GTF3C1: variants seen among roughly 807,000 people sequenced by gnomAD.
GTF3C1 encodes general transcription factor 3C polypeptide 1.
A neutral mutation model predicts 226.7 loss-of-function variants in GTF3C1; 57 were observed. The ratio of observed to expected loss-of-function variants is 0.25; its 90% CI spans 0.20 to 0.31. GTF3C1 has a LOEUF of 0.31. Among genes scored for constraint, GTF3C1 ranks in the 10% least tolerant of loss-of-function variants. The pLI is 1.00. For synonymous variants in GTF3C1, 1,090 were observed against 1,084.8 expected (o/e 1.00, Z -0.09); for missense variants, 2,217 against 2,776.1 (o/e 0.80, Z 4.53).
At chr16:27,514,660 C>T (rs2088629144) in intron 6 of GTF3C1, among the ~76,000 whole-genome samples, 1 of 152,124 alleles carries the variant, frequency 6.6e-6, no homozygotes, top group Non-Finnish European at 1.5e-5. Flanking sequence ...TGGATGCTGT[C>T]CTAGGCTCCC....
Position 27,462,343 on chromosome 16 carries a change from C to T in GTF3C1, c.6068G>A (p.Arg2023His), listed in dbSNP as rs1040575243. ...RPGIPESSLL[R>H]HYQGVLQPVA... ...GGGCTGCAGGACCCCCTGGTAGTGGCGCAGCAGGGAGCTCTCGGGGATGCC... is the reference window on the plus strand; with the variant it reads ...GGGCTGCAGGACCCCCTGGTAGTGGTGCAGCAGGGAGCTCTCGGGGATGCC... Residue 2023 changes from arginine to histidine, a missense_variant, in exon 36 of 37, where the codon CGC (arginine) becomes CAC (histidine). By Grantham distance (29) the Arg-to-His change is conservative. Coordinates refer to ENST00000356183, the MANE Select transcript of GTF3C1 (RefSeq NM_001520.4). This position sits in a 1 kb window ranked among gnomAD's most constrained non-coding sequence, Gnocchi z 4.5. 5.1e-6 allele frequency: 8 copies of T among 1,572,424 alleles called. No homozygotes were observed. The highest frequency in any genetic ancestry group is 1.7e-4 in the Middle Eastern group (1 of 6,016).
rs1476076755 is a variant in GTF3C1, at chr16:27,507,992, G to A, written c.1242+548C>T. On this transcript the variant is annotated intron_variant, in intron 8 of 36. Coordinates refer to ENST00000356183, the MANE Select transcript of GTF3C1 (RefSeq NM_001520.4). This position sits in a 1 kb window ranked among gnomAD's most constrained non-coding sequence, Gnocchi z 4.9. Reference sequence around the variant, plus strand: ...CCCCATGTGGGAGTAGGCTCCCGGGGTGGCCACATCACCTTCTGACTACTT... The same window carrying A: ...CCCCATGTGGGAGTAGGCTCCCGGGATGGCCACATCACCTTCTGACTACTT... Among the ~76,000 whole-genome samples the A allele has an allele frequency of 1.3e-5, 2 of 152,234 alleles. No homozygotes were observed. Among genetic ancestry groups the A allele is most frequent in the Non-Finnish European group, 2.9e-5 (2 of 68,038 alleles).
In GTF3C1 at chr16:27,488,369, C is replaced by T. The variant is rs776849552; in HGVS notation, c.3558G>A (p.Glu1186=). Residue 1186 remains glutamate, a synonymous_variant, in exon 23 of 37, where the codon GAG becomes GAA. Coordinates refer to ENST00000356183, the MANE Select transcript of GTF3C1 (RefSeq NM_001520.4). ...ACTGCTCTTCCCAGCCAGCACAGAG[C>T]TCGGAGCCTACTCTTGCTTCCCCCC... The part of the protein sequence containing the change: ...NIWGEARVGS[E]LCAGWEEQFE... 1 of 1,613,756 alleles carries T rather than the reference C, an allele frequency of 6.2e-7. No individual in the cohort carries two copies. The highest frequency in any genetic ancestry group is 8.5e-7 in the Non-Finnish European group (1 of 1,179,730).
In GTF3C1 at chr16:27,492,223, A is replaced by G. The variant is rs890869898; in HGVS notation, c.3151+115T>C. ...GGGGTGCTCTGGGCCTCTGGGGAGCACTCGGAACATACCACTGGTTGAGGC... is the reference window on the plus strand; with the variant it reads ...GGGGTGCTCTGGGCCTCTGGGGAGCGCTCGGAACATACCACTGGTTGAGGC... On this transcript the variant is annotated intron_variant, in intron 19 of 36. Transcript: ENST00000356183. The surrounding 1 kb of genome is among the most constrained non-coding windows in gnomAD (Gnocchi z 5.0). The G allele has an allele frequency of 2.9e-6, 2 of 680,388 alleles. No homozygotes were observed. The allele number at this position is 680,388 out of a possible 1,614,324, so 42.1% of individuals were successfully genotyped here. A position where few individuals can be genotyped will look rare whatever the true frequency, so the allele number is the denominator to read the frequency against.
chr16:27,474,198 T>C (rs1340445860), intron 29 of GTF3C1, among the ~76,000 whole-genome samples: 2 of 152,210 alleles, frequency 1.3e-5, no homozygotes, highest in African/African-American at 4.8e-5. Context: ...AGAAGTGTCC[T>C]GTTTCCTGCT....
intron 32 of GTF3C1, among the ~76,000 whole-genome samples, chr16:27,468,958 C>T (rs1044337957): frequency 6.6e-6 from 1 of 152,192 alleles, no homozygotes; most frequent in Non-Finnish European, 1.5e-5. Flanking sequence ...CGGGCAGTGA[C>T]AGGGCCGCCC....
intron 1 of GTF3C1, among the ~76,000 whole-genome samples, chr16:27,547,616 C>T (rs1404705924): frequency 1.3e-5 from 2 of 152,222 alleles, no homozygotes; most frequent in East Asian, 1.9e-4. Flanking sequence ...CACTCTTTGC[C>T]CCTAGTCTGA....
At chr16:27,482,978 G>A (rs1450356204) in intron 26 of GTF3C1, 66 bp downstream of exon 26, 3 of 1,347,062 alleles carry the variant, frequency 2.2e-6, no homozygotes, top group Admixed American at 3.5e-5. Context: ...GATGAGAGGA[G>A]CTGACTGAAG....
rs549251889 is a variant in GTF3C1, at chr16:27,462,506, C to T, written c.5925-20G>A. The T allele has an allele frequency of 4.6e-5, 73 of 1,603,878 alleles. No homozygotes were observed. The highest frequency in any genetic ancestry group is 1.1e-4 in the East Asian group (5 of 44,794). ...CAGTCCCTGCAGGGAGAGGGCTTGA[C>T]ATCAGGGCTTGGTGGGGGCAGGAGG... On this transcript the variant is annotated intron_variant, in intron 35 of 36. Transcript: ENST00000356183. This position sits in a 1 kb window ranked among gnomAD's most constrained non-coding sequence, Gnocchi z 4.5.
intron 12 of GTF3C1, among the ~76,000 whole-genome samples, chr16:27,500,886 T>C (rs1434142926): frequency 6.6e-6 from 1 of 152,232 alleles, no homozygotes; most frequent in Non-Finnish European, 1.5e-5. Flanking sequence ...AAATGTTATT[T>C]CATTTGTCCC....
chr16:27,492,355 C>G lies in GTF3C1; in HGVS notation c.3134G>C (p.Cys1045Ser), dbSNP rs2088245521. 3.7e-6 allele frequency: 6 copies of G among 1,601,144 alleles called. No individual in the cohort carries two copies. Among genetic ancestry groups the G allele is most frequent in the Non-Finnish European group, 4.3e-6 (5 of 1,171,408 alleles). ...ENYWFDLQCVCLNTPLGVVRC... is the reference protein window; with the variant it reads ...ENYWFDLQCVSLNTPLGVVRC... ...ACACCCACCTAGTGGGGTGTTGAGGCAGACGCACTGCAGGTCAAACCAGTA... is the reference window on the plus strand; with the variant it reads ...ACACCCACCTAGTGGGGTGTTGAGGGAGACGCACTGCAGGTCAAACCAGTA... Residue 1045 changes from cysteine to serine, a missense_variant, in exon 19 of 37, where the codon TGC becomes TCC. Transcript: ENST00000356183. The surrounding 1 kb of genome is among the most constrained non-coding windows in gnomAD (Gnocchi z 5.0).
At position 27,469,240 on chromosome 16, in the gene GTF3C1, C is replaced by A; in HGVS notation, c.5074+51G>T. The A allele has an allele frequency of 5.3e-6, 8 of 1,511,000 alleles. No individual in the cohort carries two copies. The highest frequency in any genetic ancestry group is 6.2e-6 in the Non-Finnish European group (7 of 1,122,756). The allele number at this position is 1,511,000 out of a possible 1,614,324, so 93.6% of individuals were successfully genotyped here. A position where few individuals can be genotyped will look rare whatever the true frequency, so the allele number is the denominator to read the frequency against. ...TCCCAGGCCAGGCCTCAGGGTCTTC[C>A]TGGATGATGGCGAGGCCAGGCCCTC... On this transcript the variant is annotated intron_variant, in intron 32 of 36. Coordinates refer to ENST00000356183, the MANE Select transcript of GTF3C1 (RefSeq NM_001520.4). This position sits in a 1 kb window ranked among gnomAD's most constrained non-coding sequence, Gnocchi z 4.5.
chr16:27,465,655 G>A (rs886768800), intron 32 of GTF3C1, 115 bp from the exon 33 acceptor site: 8 of 805,382 alleles, frequency 9.9e-6, no homozygotes, highest in African/African-American at 3.4e-5. Flanking sequence ...CTGCTTCCCC[G>A]ACAGCCACAG....
At chr16:27,476,644 G>A (rs1347219081) in intron 28 of GTF3C1, 100 bp from the exon 29 acceptor site, 1 of 692,154 alleles carries the variant, frequency 1.4e-6, no homozygotes, top group Non-Finnish European at 2.6e-6. Context: ...TCACAAAAGG[G>A]ACACAAATGC....
intron 7 of GTF3C1, among the ~76,000 whole-genome samples, chr16:27,509,999 A>T (rs1248044244): frequency 6.6e-6 from 1 of 152,214 alleles, no homozygotes; most frequent in African/African-American, 2.4e-5. Context: ...CTGTAATCCC[A>T]GCACTTTGGG....
intron 6 of GTF3C1, among the ~76,000 whole-genome samples, chr16:27,516,269 C>T (rs2088656984): frequency 6.6e-6 from 1 of 152,180 alleles, no homozygotes; most frequent in Non-Finnish European, 1.5e-5. Flanking sequence ...AGGCTGAGGG[C>T]GATGCCAGAG....
intron 14 of GTF3C1, among the ~76,000 whole-genome samples, chr16:27,495,934 C>T (rs1488426433): frequency 1.3e-5 from 2 of 152,274 alleles, no homozygotes; most frequent in Non-Finnish European, 2.9e-5. Flanking sequence ...GGAGGGCAAT[C>T]GAGCAGGGAA....
At position 27,489,710 on chromosome 16, in the gene GTF3C1, C is replaced by T. The variant is rs771839131; in HGVS notation, c.3185G>A (p.Ser1062Asn). Residue 1062 changes from serine to asparagine, a missense_variant, in exon 20 of 37, where the codon AGC (serine) becomes AAC (asparagine). Coordinates refer to ENST00000356183, the MANE Select transcript of GTF3C1 (RefSeq NM_001520.4). ...VVRCPRVRKN[S>N]STDQGSDEEG... is the part of the protein sequence containing the mutation. ...CTCGTCGCTGCCCTGGTCTGTGCTG[C>T]TGTTCTTCCTGACGCGCGGGCAGCG... 1.9e-6 allele frequency: 3 copies of T among 1,612,156 alleles called. No homozygotes were observed. In the Admixed American group the frequency reaches 5.0e-5, roughly 27 times the overall value.
At position 27,507,312 on chromosome 16, in the gene GTF3C1, A is replaced by G. The variant is rs908108256; in HGVS notation, c.1243-156T>C. On this transcript the variant is annotated intron_variant, in intron 8 of 36. Transcript: ENST00000356183. This position sits in a 1 kb window ranked among gnomAD's most constrained non-coding sequence, Gnocchi z 4.9. Reference sequence around the variant, plus strand: ...GTTGGGCACCACTGATGCTCCCTCCAGGCTCTTCCTCTCTGTAATCCCCCA... The same window carrying G: ...GTTGGGCACCACTGATGCTCCCTCCGGGCTCTTCCTCTCTGTAATCCCCCA... 3.3e-5 allele frequency among the ~76,000 whole-genome samples: 5 copies of G among 152,180 alleles called. No homozygotes were observed. Among genetic ancestry groups the G allele is most frequent in the Middle Eastern group, 3.4e-3 (1 of 294 alleles).
Sources: gnomAD v4.1 joint callset for allele counts (sites outside exome capture counted in the v4.1 genomes callset) on GRCh38, gnomAD v4.1.1 for gene constraint, Gnocchi (gnomAD v3.1) non-coding constraint, MANE v1.5 for transcripts, NCBI Gene and HGNC (gene_info 2026-07-23, HGNC 2026-07-21) for gene names.